The following KRT83 variants were observed in gnomAD, a reference collection of about 807,000 sequenced individuals.
The protein encoded by KRT83 is keratin 83, also known as keratin, type II cuticular Hb3.
A neutral mutation model predicts 52.9 loss-of-function variants in KRT83; 51 were observed. The ratio of observed to expected loss-of-function variants is 0.96; its 90% confidence interval spans 0.77 to 1.22. KRT83 has a LOEUF of 1.22. KRT83 is among the 50% of genes most tolerant of loss of function. KRT83 has a pLI of 0.00. For missense variants in KRT83, 654 were observed against 666.5 expected (o/e 0.98, Z 0.21); for synonymous variants, 278 against 274.1 (o/e 1.01, Z -0.14).
In KRT83 at chr12:52,317,731, C is replaced by T. The variant is rs746416217; in HGVS notation, c.700G>A (p.Val234Met). The T allele has an allele frequency of 7.4e-6, 12 of 1,613,498 alleles. No individual in the cohort carries two copies. Among genetic ancestry groups the T allele is most frequent in the Admixed American group, 1.7e-5 (1 of 60,014 alleles). Residue 234 changes from valine (V) to methionine (M), a missense_variant, in exon 4 of 9, where the codon GTG becomes ATG. Val to Met is a conservative substitution (Grantham distance 21). Coordinates refer to ENST00000293670, the MANE Select transcript of KRT83 (RefSeq NM_002282.3). ...TCAATCTCCTGGATCAGGGCCTCCA[C>T]GTTGGCCTCCAGGTCTGACTTGCGG... Reference protein sequence around the residue: ...YLRKSDLEANVEALIQEIDFL... With the variant: ...YLRKSDLEANMEALIQEIDFL...
rs1367289192 is a variant in KRT83, at chr12:52,321,165, C to T, written c.171G>A (p.Gly57=). The T allele has an allele frequency of 2.5e-6, 4 of 1,612,418 alleles. No homozygotes were observed. The African/African-American group carries it at 4.0e-5, about 16-fold the overall frequency. The change falls in exon 1 of 9, where the codon GGG becomes GGA. Residue 57 remains glycine (G), a synonymous_variant. Coordinates refer to ENST00000293670, the MANE Select transcript of KRT83 (RefSeq NM_002282.3). ...GTCCGCAGGAGCCGGCGCGGAAGCC[C>T]CCGCACACGCTGTGGCTGCCAAAGC... The part of the protein sequence containing the change: ...TGGFGSHSVC[G]GFRAGSCGRS...
At chr12:52,317,533 C>G in intron 4 of KRT83, 148 bp downstream of exon 4, 1 of 968,660 alleles carries the variant, frequency 1.0e-6, no homozygotes, top group Non-Finnish European at 1.6e-6. Flanking sequence ...CCTCCCTGTT[C>G]CTTCCCTCTC....
Position 52,321,174 on chromosome 12 carries a change from G to A in KRT83, c.162C>T (p.Ser54=), listed in dbSNP as rs750577277. ...AGCCGGCGCGGAAGCCCCCGCACAC[G>A]CTGTGGCTGCCAAAGCCCCCGGTGA... ...RGLTGGFGSH[S]VCGGFRAGSC... is the part of the protein sequence containing the mutation. The change falls in exon 1 of 9, where the codon AGC becomes AGT. Residue 54 remains serine (S), a synonymous_variant. Coordinates refer to ENST00000293670, the MANE Select transcript of KRT83 (RefSeq NM_002282.3). 16 of 1,612,710 alleles carry A rather than the reference G, an allele frequency of 9.9e-6. No individual in the cohort carries two copies. The highest frequency in any genetic ancestry group is 1.1e-5 in the Non-Finnish European group (13 of 1,179,388).
chr12:52,314,505 G>T lies in KRT83; in HGVS notation c.*126C>A. ...GTGGGGAGGAGCCGCTGGTGGGAAT[G>T]AGCCGATGGTGTATTCTCAGAACAC... On this transcript the variant is annotated 3_prime_UTR_variant, in exon 9 of 9. Transcript: ENST00000293670. 2.2e-6 allele frequency: 2 copies of T among 904,116 alleles called. No homozygotes were observed. The highest frequency in any genetic ancestry group is 1.8e-6 in the Non-Finnish European group (1 of 561,960). 56.0% of individuals were successfully genotyped at this position (904,116 alleles called of 1,614,324 possible). A position where few individuals can be genotyped will look rare whatever the true frequency, so the allele number is the denominator to read the frequency against.
rs766508559 is a variant in KRT83 at position 52,317,947 on chromosome 12, C to A, written c.617G>T (p.Arg206Leu). Residue 206 changes from arginine to leucine, a missense_variant, in exon 3 of 9, where the codon CGA (arginine) becomes CTA (leucine). Physicochemically the swap from Arg to Leu is moderately radical, Grantham distance 102. Transcript: ENST00000293670. Reference sequence around the variant, plus strand: ...CACAAACTCGTTCTCTGCTGTGGCTCGAAGTGCTACTTCTTCTTCATACCT... The same window carrying A: ...CACAAACTCGTTCTCTGCTGTGGCTAGAAGTGCTACTTCTTCTTCATACCT... ...KKKYEEEVALRATAENEFVAL... is the reference protein window; with the variant it reads ...KKKYEEEVALLATAENEFVAL... The A allele has an allele frequency of 1.2e-5, 19 of 1,613,892 alleles. No individual in the cohort carries two copies. The South Asian group carries it at 2.1e-4, about 18-fold the overall frequency.
In KRT83 at chr12:52,321,055, G is replaced by A; in HGVS notation, c.281C>T (p.Thr94Met). The change falls in exon 1 of 9, where the codon ACG becomes ATG. Residue 94 changes from threonine to methionine, a missense_variant. Thr to Met is a moderately conservative substitution (Grantham distance 81). Transcript: ENST00000293670. ...TTVSVNESLLTPLNLEIDPNA... is the reference protein window; with the variant it reads ...TTVSVNESLLMPLNLEIDPNA... ...GGGGTCTATCTCCAGGTTGAGGGGCGTGAGGAGGCTCTCGTTGACCGACAC... is the reference window on the plus strand; with the variant it reads ...GGGGTCTATCTCCAGGTTGAGGGGCATGAGGAGGCTCTCGTTGACCGACAC... 1.2e-6 allele frequency: 2 copies of A among 1,612,676 alleles called. No homozygotes were observed. Among genetic ancestry groups the A allele is most frequent in the Non-Finnish European group, 1.7e-6 (2 of 1,179,876 alleles).
Position 52,314,584 on chromosome 12 carries a change from C to T in KRT83, c.*47G>A, listed in dbSNP as rs1392667908. ...TTTTCAGCTGGTGGTGGGGCAGTGG[C>T]ACGTCTGGCAGGCAGAAGGGGCTCC... is the stretch of plus-strand genomic sequence containing the variant. On this transcript the variant is annotated 3_prime_UTR_variant, in exon 9 of 9. Coordinates refer to ENST00000293670, the MANE Select transcript of KRT83 (RefSeq NM_002282.3). 1 of 1,517,326 alleles carries T rather than the reference C, an allele frequency of 6.6e-7. No homozygotes were observed. The highest frequency in any genetic ancestry group is 2.0e-5 in the Admixed American group (1 of 51,024). The allele number at this position is 1,517,326 out of a possible 1,614,324, so 94.0% of individuals were successfully genotyped here.
Position 52,314,438 on chromosome 12 carries a change from G to A in KRT83, c.*193C>T. On this transcript the variant is annotated 3_prime_UTR_variant, in exon 9 of 9. Transcript: ENST00000293670. ...AAGGCTGAGACAGGGGAAGGAATGGGTCTATTCCCCAGCCACAGGCCCCTT... is the reference window on the plus strand; with the variant it reads ...AAGGCTGAGACAGGGGAAGGAATGGATCTATTCCCCAGCCACAGGCCCCTT... The A allele has an allele frequency of 1.5e-6, 1 of 656,754 alleles. No individual in the cohort carries two copies. Among genetic ancestry groups the A allele is most frequent in the Non-Finnish European group, 2.8e-6 (1 of 363,160 alleles). 40.7% of individuals were successfully genotyped at this position (656,754 alleles called of 1,614,324 possible).
At chr12:52,316,325 A>T (rs1938686790) in intron 6 of KRT83, 143 bp downstream of exon 6, 2 of 1,339,042 alleles carry the variant, frequency 1.5e-6, no homozygotes, top group Non-Finnish European at 2.1e-6. Context: ...AGACAATCAG[A>T]AATATTTCAG....
intron 8 of KRT83, 29 bp downstream of exon 8, chr12:52,315,283 T>C (rs1257752225): frequency 2.5e-6 from 4 of 1,610,740 alleles, no homozygotes; most frequent in Non-Finnish European, 2.5e-6. Flanking sequence ...CCAGTCTACA[T>C]TTTCCTTTTC....
Position 52,316,023 on chromosome 12 carries a change from C to A in KRT83, c.1132G>T (p.Gly378Cys), listed in dbSNP as rs1406036785. 1 of 1,613,548 alleles carries A rather than the reference C, an allele frequency of 6.2e-7. No homozygotes were observed. Among genetic ancestry groups the A allele is most frequent in the Admixed American group, 1.7e-5 (1 of 60,024 alleles). Residue 378 changes from glycine to cysteine, a missense_variant, in exon 7 of 9, where the codon GGC becomes TGC. Transcript: ENST00000293670. ...DARCKLAELEGALQKAKQDMA... is the reference protein window; with the variant it reads ...DARCKLAELECALQKAKQDMA... ...TCTTGCTTGGCCTTCTGCAGGGCGCCCTCCAGCTCGGCCAGCTTGCAGCGG... is the reference window on the plus strand; with the variant it reads ...TCTTGCTTGGCCTTCTGCAGGGCGCACTCCAGCTCGGCCAGCTTGCAGCGG...
intron 2 of KRT83, among the ~76,000 whole-genome samples, chr12:52,318,760 G>A (rs780961643): frequency 2.6e-5 from 4 of 152,224 alleles, no homozygotes; most frequent in Admixed American, 6.5e-5. Context: ...ACAAGAACCC[G>A]CACTGTGTGG....
chr12:52,319,139 C>T lies in KRT83; in HGVS notation c.593+17G>A, dbSNP rs751246730. On this transcript the variant is annotated intron_variant, in intron 2 of 8. Transcript: ENST00000293670. ...ATGCTATTTCCTGTGCCCAGAACCC[C>T]TCCTGCCCACACTCACTTCTTCTTG... The T allele has an allele frequency of 9.3e-6, 15 of 1,612,836 alleles. No individual in the cohort carries two copies. The highest frequency in any genetic ancestry group is 6.7e-5 in the Admixed American group (4 of 60,028).
intron 1 of KRT83, among the ~76,000 whole-genome samples, chr12:52,320,575 A>T (rs1044855799): frequency 2.6e-5 from 4 of 152,212 alleles, no homozygotes; most frequent in African/African-American, 9.7e-5. Context: ...ACTTCCAGAC[A>T]GTTTTCCAGC....
rs1285184624 is a variant in KRT83 at position 52,316,469 on chromosome 12, T to C, written c.1040A>G (p.Gln347Arg). 1 of 1,614,138 alleles carries C rather than the reference T, an allele frequency of 6.2e-7. No homozygotes were observed. The highest frequency in any genetic ancestry group is 8.5e-7 in the Non-Finnish European group (1 of 1,180,014). ...GAGGGGTGGGCCGGGCTCTGGTACCTGGCACTTGGCATTCTCCACCTCGGC... is the reference window on the plus strand; with the variant it reads ...GAGGGGTGGGCCGGGCTCTGGTACCCGGCACTTGGCATTCTCCACCTCGGC... ...LTAEVENAKC[Q>R]NSKLEAAVAQ... Residue 347 changes from glutamine (Q) to arginine (R), a missense_variant and splice_region_variant, in exon 6 of 9, where the codon CAG (glutamine) becomes CGG (arginine). By Grantham distance (43) the Gln-to-Arg change is conservative. Transcript: ENST00000293670.
chr12:52,314,348 G>T lies in KRT83; in HGVS notation c.*283C>A. On this transcript the variant is annotated 3_prime_UTR_variant, in exon 9 of 9. Transcript: ENST00000293670. Reference sequence around the variant, plus strand: ...AAAGGGGAGACAAGAGGCCAGAGAGGCAGGGGGAACAGTCTCACAGTGCTT... The same window carrying T: ...AAAGGGGAGACAAGAGGCCAGAGAGTCAGGGGGAACAGTCTCACAGTGCTT... 1 of 528,104 alleles carries T rather than the reference G, an allele frequency of 1.9e-6. No individual in the cohort carries two copies. The highest frequency in any genetic ancestry group is 3.4e-6 in the Non-Finnish European group (1 of 290,142). The allele number at this position is 528,104 out of a possible 1,614,324, so 32.7% of individuals were successfully genotyped here. A position where few individuals can be genotyped will look rare whatever the true frequency, so the allele number is the denominator to read the frequency against.
chr12:52,314,848 C>T, intron 8 of KRT83, 30 bp from the exon 9 acceptor site: 2 of 1,578,718 alleles, frequency 1.3e-6, no homozygotes, highest in Admixed American at 1.8e-5. Flanking sequence ...GTCAAGAGAC[C>T]CCTGCTGATG....
intron 2 of KRT83, among the ~76,000 whole-genome samples, 186 bp downstream of exon 2, chr12:52,318,970 C>T (rs539662498): frequency 7.2e-5 from 11 of 152,328 alleles, no homozygotes; most frequent in African/African-American, 2.6e-4. Flanking sequence ...CCCTGATCTG[C>T]TGGTGGAAAG....
chr12:52,320,653 C>A (rs1938754529), intron 1 of KRT83, among the ~76,000 whole-genome samples: 1 of 152,206 alleles, frequency 6.6e-6, no homozygotes, highest in South Asian at 2.1e-4. Flanking sequence ...TATTTGGCTT[C>A]AAATGCCCTG....
Sources: gnomAD v4.1 joint callset for allele counts (sites outside exome capture counted in the v4.1 genomes callset) on GRCh38, gnomAD v4.1.1 for gene constraint, MANE v1.5 for transcripts, NCBI Gene and HGNC (gene_info 2026-07-23, HGNC 2026-07-21) for gene names.